PCDH17: variants seen among roughly 807,000 people sequenced by gnomAD.
The protein encoded by PCDH17 is protocadherin 17.
Under a neutral mutation model 67.7 loss-of-function variants are expected in PCDH17, and 21 were observed. The ratio of observed to expected loss-of-function variants is 0.31; its 90% CI spans 0.22 to 0.45. The LOEUF is 0.45. Ranked by LOEUF, PCDH17 falls within the 20% of genes least tolerant of loss-of-function variation. The pLI, the probability that PCDH17 is intolerant of heterozygous loss-of-function variation, is 1.00. For missense variants in PCDH17, 1,471 were observed against 1,564.8 expected, an observed-to-expected ratio of 0.94 and a Z score of 1.01; for synonymous variants, 701 against 656.7, an observed-to-expected ratio of 1.07 and a Z score of -1.03.
chr13:57,681,213 C>G (rs1267209092), intron 3 of PCDH17, among the ~76,000 whole-genome samples: 1 of 151,636 alleles, frequency 6.6e-6, no homozygotes. Flanking sequence ...CCACTCTCAT[C>G]CCTTTTACTT....
In PCDH17 at chr13:57,666,845, C is replaced by A; in HGVS notation, c.2797+12C>A. 6.3e-7 allele frequency: 1 copy of A among 1,589,030 alleles called. No homozygotes were observed. Among genetic ancestry groups the A allele is most frequent in the South Asian group, 1.1e-5 (1 of 88,454 alleles). ...ACCACTTGAACAAGGTGAGTGAAGT[C>A]TTCCAATGCTTACAAAGTGTAAAGC... On this transcript the variant is annotated intron_variant, in intron 3 of 3. Coordinates refer to ENST00000377918, the MANE Select transcript of PCDH17 (RefSeq NM_001040429.3).
At chr13:57,691,839 CTAAT>C in intron 3 of PCDH17, among the ~76,000 whole-genome samples, 1 of 151,036 alleles carries the variant, frequency 6.6e-6, no homozygotes, top group Middle Eastern at 3.4e-3. Context: ...TTGCCTTTGC[CTAAT>C]TAATAAACAC....
Position 57,724,652 on chromosome 13 carries a change from G to A in PCDH17, c.2838G>A (p.Val946=). ...ECVNCTDECR[V]LGHSDRCWMP... The stretch of plus-strand genomic sequence containing the variant: ...TTAATTGCACAGATGAATGCCGAGT[G>A]CTTGGTCATTCTGACAGGTGCTGGA... The change falls in exon 4 of 4, where the codon GTG becomes GTA. Residue 946 remains valine (V), a synonymous_variant. Transcript: ENST00000377918. 1 of 1,613,998 alleles carries A rather than the reference G, an allele frequency of 6.2e-7. No individual in the cohort carries two copies. The highest frequency in any genetic ancestry group is 8.5e-7 in the Non-Finnish European group (1 of 1,179,916).
chr13:57,685,940 A>C (rs1251801668), intron 3 of PCDH17, among the ~76,000 whole-genome samples: 1 of 151,770 alleles, frequency 6.6e-6, no homozygotes, highest in Non-Finnish European at 1.5e-5. Context: ...ATTTTCTAAA[A>C]TAGCCAGGCA....
chr13:57,670,590 A>G (rs1251341232), intron 3 of PCDH17, among the ~76,000 whole-genome samples: 1 of 150,262 alleles, frequency 6.7e-6, no homozygotes, highest in Non-Finnish European at 1.5e-5. Context: ...ATTTTTTCCA[A>G]TTTAAATGAT....
intron 1 of PCDH17, among the ~76,000 whole-genome samples, chr13:57,651,086 GA>G (rs1955031245): frequency 6.6e-6 from 1 of 152,062 alleles, no homozygotes; most frequent in African/African-American, 2.4e-5. Flanking sequence ...AAAGGATTGT[GA>G]ACCTATATCT....
chr13:57,696,076 CAG>C (rs1169829409), intron 3 of PCDH17, among the ~76,000 whole-genome samples: 3 of 151,328 alleles, frequency 2.0e-5, no homozygotes, highest in African/African-American at 7.2e-5. Context: ...CATGGGAAAA[CAG>C]TGTGTGAACC....
At position 57,685,226 on chromosome 13, in the gene PCDH17, A is replaced by G. The variant is rs180773883; in HGVS notation, c.2797+18393A>G. Reference sequence around the variant, plus strand: ...AAAACTAACTTGGTCTCTTAGTACTATAAGTAAATTCTTATAATTGTCTTT... The same window carrying G: ...AAAACTAACTTGGTCTCTTAGTACTGTAAGTAAATTCTTATAATTGTCTTT... On this transcript the variant is annotated intron_variant, in intron 3 of 3. Coordinates refer to ENST00000377918, the MANE Select transcript of PCDH17 (RefSeq NM_001040429.3). Among the ~76,000 whole-genome samples the G allele has an allele frequency of 3.9e-5, 6 of 152,088 alleles. No homozygotes were observed. In the East Asian group the frequency reaches 1.2e-3, roughly 30 times the overall value.
At chr13:57,661,342 T>C (rs993663892) in intron 1 of PCDH17, among the ~76,000 whole-genome samples, 32 of 152,308 alleles carry the variant, frequency 2.1e-4, no homozygotes, top group African/African-American at 7.7e-4. Flanking sequence ...TGTTTGTTTG[T>C]TTGTTTTCTT....
chr13:57,641,558 GAAAAAAAAAAAAAAA>G (rs71209470), intron 1 of PCDH17, among the ~76,000 whole-genome samples: 368 of 24,440 alleles, frequency 0.015, 6 homozygotes, highest in East Asian at 0.036. Context: ...GTGTTTGAGA[GAAAAAAAAAAAAAAA>G]AAAAAAAAAA....
intron 3 of PCDH17, among the ~76,000 whole-genome samples, chr13:57,694,472 C>T (rs1321626656): frequency 6.6e-6 from 1 of 150,950 alleles, no homozygotes; most frequent in African/African-American, 2.4e-5. Flanking sequence ...AGGGTTCCTC[C>T]TATTAAAAAA....
chr13:57,688,077 A>AC (rs962863733), intron 3 of PCDH17, among the ~76,000 whole-genome samples: 37 of 151,270 alleles, frequency 2.4e-4, no homozygotes, highest in Admixed American at 4.6e-4. Context: ...TCATTCTCCT[A>AC]CCCCCCCACC....
intron 3 of PCDH17, among the ~76,000 whole-genome samples, chr13:57,710,544 G>A (rs943743800): frequency 1.3e-5 from 2 of 151,702 alleles, no homozygotes; most frequent in Non-Finnish European, 2.9e-5. Flanking sequence ...GAAAAATTAA[G>A]TAAAAAAACA....
intron 3 of PCDH17, among the ~76,000 whole-genome samples, chr13:57,720,325 G>A (rs183823062): frequency 1.3e-5 from 2 of 152,096 alleles, no homozygotes; most frequent in South Asian, 2.1e-4. Context: ...CAGTTAAAGT[G>A]TTGATCTAAT....
rs2138109248 is a variant in PCDH17, at chr13:57,725,912, AC to A, written c.*619del. 6.6e-6 allele frequency: 1 copy of A among 152,668 alleles called. No homozygotes were observed. The highest frequency in any genetic ancestry group is 1.5e-5 in the Non-Finnish European group (1 of 68,014). 9.5% of individuals were successfully genotyped at this position (152,668 alleles called of 1,614,324 possible). On this transcript the variant is annotated 3_prime_UTR_variant, in exon 4 of 4. Transcript: ENST00000377918. The stretch of plus-strand genomic sequence containing the variant: ...TCCATATCATTAGTCGAAAACAAAA[AC>A]AAAAAAAAAACCTTTGGTCATTTGT...
intron 3 of PCDH17, among the ~76,000 whole-genome samples, chr13:57,712,792 G>T (rs1955787971): frequency 6.6e-6 from 1 of 151,458 alleles, no homozygotes; most frequent in African/African-American, 2.4e-5. Flanking sequence ...ATTGGATTCA[G>T]ATTAAAAGTC....
intron 3 of PCDH17, among the ~76,000 whole-genome samples, chr13:57,671,342 T>C (rs1402816174): frequency 2.6e-5 from 4 of 151,786 alleles, no homozygotes; most frequent in African/African-American, 9.7e-5. Context: ...ATTTTATATT[T>C]TGGAAGAAGA....
At chr13:57,644,726 T>A (rs1198333729) in intron 1 of PCDH17, among the ~76,000 whole-genome samples, 2 of 151,644 alleles carry the variant, frequency 1.3e-5, no homozygotes, top group Admixed American at 6.6e-5. Context: ...TTATGTCAGT[T>A]TTTCCGTAGT....
chr13:57,725,149 G>GT lies in PCDH17; in HGVS notation c.3336dup (p.Glu1113Ter). 1 of 1,614,190 alleles carries GT rather than the reference G, an allele frequency of 6.2e-7. No individual in the cohort carries two copies. The highest frequency in any genetic ancestry group is 1.1e-5 in the South Asian group (1 of 91,090). On this transcript the variant is annotated frameshift_variant, in exon 4 of 4. Transcript: ENST00000377918. LOFTEE classifies it high-confidence loss of function. ...CATTCCAGAGCCAGCCGGGATTCCA[G>GT]TGAGATGGGTGCTGTTCTTGAGCAG...
Sources: gnomAD v4.1 joint callset for allele counts (sites outside exome capture counted in the v4.1 genomes callset) on GRCh38, gnomAD v4.1.1 for gene constraint, MANE v1.5 for transcripts, NCBI Gene and HGNC (gene_info 2026-07-23, HGNC 2026-07-21) for gene names.